Variants in NAV2 observed in about 807,000 individuals in gnomAD.
The protein encoded by NAV2 is helicase, APC down-regulated 1.
Under a neutral mutation model 223.2 loss-of-function variants are expected in NAV2, and 54 were observed. The observed-to-expected ratio is 0.24, with a 90% CI of 0.19 to 0.30. The LOEUF is 0.30. Among genes scored for constraint, NAV2 ranks in the 10% least tolerant of loss-of-function variants. The pLI is 1.00. For synonymous variants in NAV2, 1,279 were observed against 1,239.3 expected, an observed-to-expected ratio of 1.03 and a Z score of -0.67; for missense variants, 2,806 against 3,147.5, an observed-to-expected ratio of 0.89 and a Z score of 2.60.
chr11:19,677,753 C>T (rs1193868183), intron 1 of NAV2, among the ~76,000 whole-genome samples: 1 of 152,202 alleles, frequency 6.6e-6, no homozygotes, highest in Non-Finnish European at 1.5e-5. Context: ...CAGCTGGCCA[C>T]GTTTTTGTAA....
chr11:19,688,511 A>T (rs2049083748), intron 1 of NAV2, among the ~76,000 whole-genome samples: 1 of 152,224 alleles, frequency 6.6e-6, no homozygotes, highest in South Asian at 2.1e-4. Context: ...TTAAGAAAAA[A>T]TATATGAGAA....
intron 10 of NAV2, among the ~76,000 whole-genome samples, chr11:19,977,766 C>G (rs1211834200): frequency 6.9e-6 from 1 of 145,794 alleles, no homozygotes; most frequent in African/African-American, 2.5e-5. Flanking sequence ...AATGTGGCCA[C>G]TGCTTTTCTT....
intron 1 of NAV2, among the ~76,000 whole-genome samples, chr11:19,414,977 C>T (rs1383365524): frequency 1.3e-5 from 2 of 152,106 alleles, no homozygotes; most frequent in Admixed American, 6.5e-5. Flanking sequence ...GTACTAAATG[C>T]CCACAGGAGA....
chr11:19,524,537 G>T (rs1829521117), intron 1 of NAV2, among the ~76,000 whole-genome samples: 1 of 152,122 alleles, frequency 6.6e-6, no homozygotes, highest in African/African-American at 2.4e-5. Flanking sequence ...GGCACGTCTG[G>T]CATGGTTGAT....
chr11:20,037,310 A>T (rs930476614), intron 12 of NAV2, among the ~76,000 whole-genome samples: 3 of 151,662 alleles, frequency 2.0e-5, no homozygotes, highest in Non-Finnish European at 4.4e-5. Context: ...CTTCATACAG[A>T]TAGGAGCTGA....
At chr11:19,846,683 C>A (rs1029277568) in intron 3 of NAV2, among the ~76,000 whole-genome samples, 4 of 152,236 alleles carry the variant, frequency 2.6e-5, no homozygotes, top group African/African-American at 9.6e-5. Flanking sequence ...GCATAACACT[C>A]ACACCTTTTG....
chr11:19,667,233 G>T (rs1007127835), intron 1 of NAV2, among the ~76,000 whole-genome samples: 1 of 152,216 alleles, frequency 6.6e-6, no homozygotes, highest in African/African-American at 2.4e-5. Flanking sequence ...ATTTGTAGAC[G>T]TTGAACAATT....
chr11:19,780,619 C>T (rs913427067), intron 1 of NAV2, among the ~76,000 whole-genome samples: 2 of 152,254 alleles, frequency 1.3e-5, no homozygotes, highest in African/African-American at 4.8e-5. Flanking sequence ...TGCTTTACCT[C>T]TTCGATCTTT....
chr11:19,365,112 T>C (rs919073906), intron 1 of NAV2, among the ~76,000 whole-genome samples: 2 of 152,074 alleles, frequency 1.3e-5, no homozygotes, highest in African/African-American at 4.8e-5. Flanking sequence ...GATGATAGAG[T>C]TCAGAGAAGA....
At chr11:19,571,456 C>A (rs2045421252) in intron 1 of NAV2, among the ~76,000 whole-genome samples, 1 of 152,178 alleles carries the variant, frequency 6.6e-6, no homozygotes, top group Non-Finnish European at 1.5e-5. Context: ...GCCTGTAATC[C>A]CAGCACTTTG....
chr11:19,655,391 G>T lies in NAV2; in HGVS notation c.76-177093G>T, dbSNP rs1222545712. 3.9e-5 allele frequency among the ~76,000 whole-genome samples: 6 copies of T among 152,134 alleles called. No homozygotes were observed. In the East Asian group the frequency reaches 1.2e-3, roughly 29 times the overall value. ...ATTTGACCCAGCCATCCCATTAATG[G>T]GTATATACCCAAAGGATTATAAATC... On this transcript the variant is annotated intron_variant, in intron 1 of 37. Transcript: ENST00000360655.
At chr11:19,367,028 A>G (rs1196639702) in intron 1 of NAV2, among the ~76,000 whole-genome samples, 1 of 152,224 alleles carries the variant, frequency 6.6e-6, no homozygotes, top group African/African-American at 2.4e-5. Context: ...CAGAGTCATC[A>G]TTATGCAGAC....
intron 1 of NAV2, among the ~76,000 whole-genome samples, chr11:19,784,388 TAAAAAAA>T (rs1162911472): frequency 9.8e-5 from 5 of 50,958 alleles, no homozygotes; most frequent in East Asian, 6.9e-4. Context: ...AGCTCCATCT[TAAAAAAA>T]AAAAAAAAAA....
rs181247265 is a variant in NAV2, at chr11:19,444,559, C to T, written c.75+93532C>T. ...CCTGAATGGCTGTAGAACCGGCCCC[C>T]CACTGCCCACCTGCTCCTCCCCTCA... is the stretch of plus-strand genomic sequence containing the variant. On this transcript the variant is annotated intron_variant, in intron 1 of 37. Transcript: ENST00000360655. Among the ~76,000 whole-genome samples the T allele has an allele frequency of 4.8e-3, 726 of 152,126 alleles. 5 individuals are homozygous for T. Among genetic ancestry groups the T allele is most frequent in the African/African-American group, 0.016 (668 of 41,486 alleles).
At chr11:19,375,956 G>A (rs1386966275) in intron 1 of NAV2, among the ~76,000 whole-genome samples, 3 of 152,078 alleles carry the variant, frequency 2.0e-5, no homozygotes. Context: ...AAGAGACTAG[G>A]CAAAAGGATT....
intron 11 of NAV2, among the ~76,000 whole-genome samples, chr11:20,007,378 A>G (rs1239562032): frequency 6.6e-6 from 1 of 152,240 alleles, no homozygotes; most frequent in Non-Finnish European, 1.5e-5. Flanking sequence ...CTCTGTTCAT[A>G]TGCCCAGGAT....
chr11:19,376,946 G>A (rs1418971179), intron 1 of NAV2, among the ~76,000 whole-genome samples: 1 of 152,192 alleles, frequency 6.6e-6, no homozygotes. Context: ...TTTTAGTTGA[G>A]CTCAGTTGTC....
At chr11:19,609,334 C>T (rs552229560) in intron 1 of NAV2, among the ~76,000 whole-genome samples, 1 of 151,518 alleles carries the variant, frequency 6.6e-6, no homozygotes, top group Non-Finnish European at 1.5e-5. Context: ...TTGAGAGTTG[C>T]AAATTGAGAA....
Position 19,884,785 on chromosome 11 carries a change from GTTGT to G in NAV2, c.770+4660_770+4663del, listed in dbSNP as rs1565492279. On this transcript the variant is annotated intron_variant, in intron 5 of 37. Transcript: ENST00000349880. ...ATTTATGTGTCTTGTGCTTTGTGTT[GTTGT>G]TGTTGTTGTTGTTGTTAAAATTACT... Among the ~76,000 whole-genome samples the G allele has an allele frequency of 2.6e-3, 311 of 119,794 alleles. 1 individual carries two copies. The highest frequency in any genetic ancestry group is 0.011 in the African/African-American group (291 of 25,690). 78.6% of individuals were successfully genotyped at this position (119,794 alleles called of 152,430 possible).
Sources: gnomAD v4.1 joint callset for allele counts (sites outside exome capture counted in the v4.1 genomes callset) on GRCh38, gnomAD v4.1.1 for gene constraint, MANE v1.5 for transcripts, NCBI Gene and HGNC (gene_info 2026-07-23, HGNC 2026-07-21) for gene names.